The following LIN54 variants were observed in gnomAD, a reference collection of about 807,000 sequenced individuals.
LIN54 encodes the protein lin-54 DREAM MuvB core complex component, also known as protein lin-54 homolog.
A neutral mutation model predicts 78.7 loss-of-function variants in LIN54; 9 were observed. The observed-to-expected ratio is 0.11, with a 90% confidence interval of 0.07 to 0.20. The LOEUF (loss-of-function observed/expected upper bound fraction) is 0.20, where lower values mean the gene tolerates loss of function less well. LIN54 is among the 10% of genes least tolerant of loss of function. The pLI, the probability that LIN54 is intolerant of heterozygous loss-of-function variation, is 1.00. For missense variants in LIN54, 573 were observed against 889.9 expected (o/e 0.64, Z 4.53); for synonymous variants, 269 against 318.4 (o/e 0.84, Z 1.65).
intron 11 of LIN54, among the ~76,000 whole-genome samples, chr4:82,932,930 T>C (rs1723929039): frequency 1.3e-5 from 2 of 152,152 alleles, no homozygotes; most frequent in African/African-American, 4.8e-5. Context: ...GAGTATGTTT[T>C]TGTTAGCTGT....
chr4:82,933,844 A>G (rs1466839556), intron 11 of LIN54, among the ~76,000 whole-genome samples: 1 of 152,204 alleles, frequency 6.6e-6, no homozygotes, highest in African/African-American at 2.4e-5. Context: ...GTTAGTTCCT[A>G]TATGTCTGAA....
At chr4:82,991,984 A>G (rs1578631020) in intron 1 of LIN54, among the ~76,000 whole-genome samples, 2 of 152,310 alleles carry the variant, frequency 1.3e-5, no homozygotes, top group East Asian at 3.9e-4. Flanking sequence ...AATAAAATGA[A>G]TTGGAGTGTG....
At chr4:82,946,793 A>C (rs1004403323) in intron 4 of LIN54, among the ~76,000 whole-genome samples, 3 of 152,206 alleles carry the variant, frequency 2.0e-5, no homozygotes, top group African/African-American at 7.2e-5. Context: ...TTTATAAGAA[A>C]AGAATTATTT....
chr4:82,959,196 A>C (rs1724588499), intron 4 of LIN54, among the ~76,000 whole-genome samples: 1 of 152,192 alleles, frequency 6.6e-6, no homozygotes, highest in Admixed American at 6.5e-5. Context: ...AAATTTAAAA[A>C]CATTAAAACA....
intron 1 of LIN54, among the ~76,000 whole-genome samples, chr4:83,002,941 A>G (rs1023496122): frequency 6.6e-6 from 1 of 152,128 alleles, no homozygotes; most frequent in African/African-American, 2.4e-5. Context: ...ACATTGTTCA[A>G]GGGTCAACTG....
intron 1 of LIN54, among the ~76,000 whole-genome samples, chr4:82,987,431 G>A (rs571145904): frequency 6.6e-6 from 1 of 152,034 alleles, no homozygotes; most frequent in East Asian, 1.9e-4. Context: ...AAAAACAAAC[G>A]GGATACATGT....
intron 3 of LIN54, among the ~76,000 whole-genome samples, chr4:82,978,158 C>T (rs779162995): frequency 3.9e-5 from 6 of 152,034 alleles, no homozygotes; most frequent in African/African-American, 7.2e-5. Context: ...ATAAAGAGAA[C>T]GAACACTTGA....
At chr4:82,953,108 A>G (rs144795051) in intron 4 of LIN54, among the ~76,000 whole-genome samples, 1 of 152,250 alleles carries the variant, frequency 6.6e-6, no homozygotes, top group East Asian at 1.9e-4. Flanking sequence ...CTCCCATCTC[A>G]GCCTCCTGTA....
intron 1 of LIN54, among the ~76,000 whole-genome samples, chr4:82,990,653 T>G (rs1727608309): frequency 6.6e-6 from 1 of 151,980 alleles, no homozygotes; most frequent in African/African-American, 2.4e-5. Context: ...CCGGCTAATT[T>G]TTTGTATTTT....
At position 83,010,774 on chromosome 4, in the gene LIN54, C is replaced by T. The variant is rs922520860; in HGVS notation, c.-323G>A. On this transcript the variant is annotated 5_prime_UTR_variant, in exon 1 of 13. Coordinates refer to ENST00000340417, the MANE Select transcript of LIN54 (RefSeq NM_194282.4). The stretch of plus-strand genomic sequence containing the variant: ...CGTCATCACCATCACAGCTCAGCAG[C>T]TTCCCCGACAGCCGGAGCCCGGGCC... The T allele has an allele frequency of 1.6e-6, 2 of 1,234,328 alleles. No individual in the cohort carries two copies. The highest frequency in any genetic ancestry group is 3.1e-5 in the African/African-American group (2 of 64,444). The allele number at this position is 1,234,328 out of a possible 1,614,324, so 76.5% of individuals were successfully genotyped here.
intron 1 of LIN54, among the ~76,000 whole-genome samples, chr4:82,997,672 T>C (rs7654829): frequency 0.027 from 4,140 of 152,046 alleles, 131 homozygotes; most frequent in African/African-American, 0.07. Flanking sequence ...AGATAAATGC[T>C]AGATATGATT....
chr4:82,958,915 T>A (rs1724564032), intron 4 of LIN54, among the ~76,000 whole-genome samples: 1 of 152,134 alleles, frequency 6.6e-6, no homozygotes, highest in African/African-American at 2.4e-5. Flanking sequence ...TTGGGCAGGC[T>A]GGTCGCAAAC....
intron 4 of LIN54, among the ~76,000 whole-genome samples, chr4:82,967,121 G>A (rs1179490314): frequency 2.6e-5 from 4 of 151,738 alleles, no homozygotes; most frequent in Middle Eastern, 6.8e-3. Context: ...AGCTACTCGG[G>A]ACGCTGAGGC....
intron 1 of LIN54, among the ~76,000 whole-genome samples, chr4:82,987,152 G>A (rs1052711782): frequency 1.4e-4 from 22 of 152,180 alleles, no homozygotes; most frequent in African/African-American, 5.3e-4. Flanking sequence ...TTAGCTAGGC[G>A]TGGTGGTGGG....
chr4:82,965,636 G>C (rs1370387209), intron 4 of LIN54, among the ~76,000 whole-genome samples: 1 of 152,192 alleles, frequency 6.6e-6, no homozygotes, highest in Non-Finnish European at 1.5e-5. Flanking sequence ...TTTTGATTAT[G>C]AACTCCAGAA....
chr4:82,988,500 G>C (rs1280004891), intron 1 of LIN54, among the ~76,000 whole-genome samples: 1 of 152,126 alleles, frequency 6.6e-6, no homozygotes, highest in African/African-American at 2.4e-5. Flanking sequence ...TAAATACTTA[G>C]GTTCAAGTTT....
intron 4 of LIN54, among the ~76,000 whole-genome samples, chr4:82,955,320 C>T (rs564001320): frequency 7.9e-5 from 12 of 151,834 alleles, no homozygotes; most frequent in African/African-American, 2.4e-4. Context: ...GTCGAGATTG[C>T]GCCACTGCAC....
At position 82,938,396 on chromosome 4, in the gene LIN54, AT is replaced by A; in HGVS notation, c.1532+16del. On this transcript the variant is annotated intron_variant, in intron 8 of 12. Coordinates refer to ENST00000340417, the MANE Select transcript of LIN54 (RefSeq NM_194282.4). ...AGCTGATCTAACAACTTATGTACCTATTTTCAAAATACTCACCCATTGAATG... is the reference window on the plus strand; with the variant it reads ...AGCTGATCTAACAACTTATGTACCTATTTCAAAATACTCACCCATTGAATG... 1 of 1,419,894 alleles carries A rather than the reference AT, an allele frequency of 7.0e-7. No individual in the cohort carries two copies. Among genetic ancestry groups the A allele is most frequent in the Non-Finnish European group, 1.0e-6 (1 of 1,004,240 alleles). 88.0% of individuals were successfully genotyped at this position (1,419,894 alleles called of 1,614,324 possible). A position where few individuals can be genotyped will look rare whatever the true frequency, so the allele number is the denominator to read the frequency against.
chr4:82,946,233 C>T (rs1252349402), intron 5 of LIN54, 25 bp downstream of exon 5: 2 of 1,541,748 alleles, frequency 1.3e-6, no homozygotes, highest in South Asian at 2.2e-5. Flanking sequence ...GCATGAATTA[C>T]TGTTTTTAAA....
Sources: gnomAD v4.1 joint callset for allele counts (sites outside exome capture counted in the v4.1 genomes callset) on GRCh38, gnomAD v4.1.1 for gene constraint, MANE v1.5 for transcripts, NCBI Gene and HGNC (gene_info 2026-07-23, HGNC 2026-07-21) for gene names.